The following EMX1 variants were observed in gnomAD, a reference collection of about 807,000 sequenced individuals.
EMX1 encodes the protein homeobox protein EMX1.
EMX1 carries 10 observed loss-of-function variants against 20.1 expected under a neutral mutation model. The observed-to-expected ratio is 0.50, with a 90% CI of 0.31 to 0.84. The LOEUF (loss-of-function observed/expected upper bound fraction) is 0.84. EMX1 is among the 40% of genes least tolerant of loss of function. EMX1 has a pLI of 0.05. For synonymous variants in EMX1, 250 were observed against 200.4 expected (o/e 1.25, Z -2.09); for missense variants, 424 against 431.9 (o/e 0.98, Z 0.16).
intron 1 of EMX1, among the ~76,000 whole-genome samples, chr2:72,919,141 C>G (rs1573894698): frequency 6.6e-6 from 1 of 150,692 alleles, no homozygotes; most frequent in East Asian, 1.9e-4. Flanking sequence ...GAGTTTGCAT[C>G]CAGCAATCGG....
chr2:72,923,361 G>A (rs1332281805), intron 1 of EMX1: 1 of 152,220 alleles, frequency 6.6e-6, no homozygotes, highest in Non-Finnish European at 1.5e-5. Flanking sequence ...ATATATATTA[G>A]AGAGAAAGAT....
intron 2 of EMX1, chr2:72,926,053 A>C (rs962765014): frequency 1.6e-5 from 16 of 984,864 alleles, no homozygotes; most frequent in Non-Finnish European, 1.9e-5. Context: ...GTGTCAGTTT[A>C]AGAATGGTGT....
At position 72,917,675 on chromosome 2, in the gene EMX1, T is replaced by C; in HGVS notation, c.-178T>C. 1 of 388,222 alleles carries C rather than the reference T, an allele frequency of 2.6e-6. No individual in the cohort carries two copies. Among genetic ancestry groups the C allele is most frequent in the Non-Finnish European group, 4.0e-6 (1 of 252,742 alleles). 24.0% of individuals were successfully genotyped at this position (388,222 alleles called of 1,614,324 possible). ...CGCAGCCTAGCACGGAGCCCGCGCCTGTGCGGGCGCCTGGAGCTGCCCGCT... is the reference window on the plus strand; with the variant it reads ...CGCAGCCTAGCACGGAGCCCGCGCCCGTGCGGGCGCCTGGAGCTGCCCGCT... On this transcript the variant is annotated 5_prime_UTR_variant, in exon 1 of 3. Transcript: ENST00000258106.
At position 72,931,857 on chromosome 2, in the gene EMX1, A is replaced by G. The variant is rs533032160; in HGVS notation, c.706-1930A>G. On this transcript the variant is annotated intron_variant, in intron 2 of 2. Transcript: ENST00000258106. ...ATCCCCATGCCAGTGCTCTAAAATCAGTGCTCTCAAACAAGGGCAGATGGC... is the reference window on the plus strand; with the variant it reads ...ATCCCCATGCCAGTGCTCTAAAATCGGTGCTCTCAAACAAGGGCAGATGGC... Among the ~76,000 whole-genome samples, 121 of 152,344 alleles carry G rather than the reference A, an allele frequency of 7.9e-4. 1 individual carries two copies. The highest frequency in any genetic ancestry group is 1.1e-3 in the Non-Finnish European group (72 of 68,018).
chr2:72,931,798 G>A (rs1282048132), intron 2 of EMX1, among the ~76,000 whole-genome samples: 1 of 152,256 alleles, frequency 6.6e-6, no homozygotes, highest in African/African-American at 2.4e-5. Flanking sequence ...CCCCTGGCTG[G>A]CTGCTCTGCA....
Position 72,934,184 on chromosome 2 carries a change from C to G in EMX1, c.*230C>G. On this transcript the variant is annotated 3_prime_UTR_variant, in exon 3 of 3. Coordinates refer to ENST00000258106, the MANE Select transcript of EMX1 (RefSeq NM_004097.3). ...TCCTCGGAGAGCCTGCCTGCCTGGG[C>G]GGGCCCGCCCGCCACCGCAGCCTCC... The G allele has an allele frequency of 1.1e-5, 6 of 528,916 alleles. No individual in the cohort carries two copies. The highest frequency in any genetic ancestry group is 1.6e-5 in the Non-Finnish European group (5 of 307,962). The allele number at this position is 528,916 out of a possible 1,614,324, so 32.8% of individuals were successfully genotyped here.
intron 2 of EMX1, chr2:72,933,438 T>G: frequency 3.8e-6 from 1 of 263,230 alleles, no homozygotes; most frequent in Non-Finnish European, 7.3e-6. Flanking sequence ...ACTCGTAGAG[T>G]CCCATGTCTG....
chr2:72,916,446 C>T (rs1015028289), upstream of EMX1: 179 of 564,922 alleles, frequency 3.2e-4, 1 homozygote, highest in Admixed American at 2.9e-4. Flanking sequence ...CCGCCGCCCG[C>T]GCCCTCCTAG....
At chr2:72,928,455 A>G (rs1671237729) in intron 2 of EMX1, among the ~76,000 whole-genome samples, 1 of 152,204 alleles carries the variant, frequency 6.6e-6, no homozygotes, top group African/African-American at 2.4e-5. Flanking sequence ...TTAGGCAGTC[A>G]TATGACATGG....
At chr2:72,933,712 T>G in intron 2 of EMX1, 75 bp from the exon 3 acceptor site, 1 of 1,566,410 alleles carries the variant, frequency 6.4e-7, no homozygotes, top group Admixed American at 1.8e-5. Context: ...CAGCTCAGCC[T>G]GAGTGTTGAG....
chr2:72,926,351 A>C, intron 2 of EMX1: 1 of 931,454 alleles, frequency 1.1e-6, no homozygotes, highest in Non-Finnish European at 1.3e-6. Context: ...TATATTTAAA[A>C]CAAAACCAGA....
At chr2:72,927,104 T>C (rs1318334924) in intron 2 of EMX1, among the ~76,000 whole-genome samples, 4 of 152,236 alleles carry the variant, frequency 2.6e-5, no homozygotes, top group African/African-American at 9.6e-5. Context: ...CTCATTAAAC[T>C]GCCTCCCCAA....
At position 72,934,740 on chromosome 2, in the gene EMX1, G is replaced by T. The variant is rs973705995; in HGVS notation, c.*786G>T. On this transcript the variant is annotated 3_prime_UTR_variant, in exon 3 of 3. Transcript: ENST00000258106. The stretch of plus-strand genomic sequence containing the variant: ...AGAGGAAAGGGGAGGATTGGGGTCT[G>T]GGGGAGGGAACACCATTCACAAAGG... 1 of 152,192 alleles carries T rather than the reference G, an allele frequency of 6.6e-6. No individual in the cohort carries two copies. The highest frequency in any genetic ancestry group is 6.5e-5 in the Admixed American group (1 of 15,278). 9.4% of individuals were successfully genotyped at this position (152,192 alleles called of 1,614,324 possible). A position where few individuals can be genotyped will look rare whatever the true frequency, so the allele number is the denominator to read the frequency against.
At chr2:72,925,526 C>T in intron 2 of EMX1, 1 of 1,288,408 alleles carries the variant, frequency 7.8e-7, no homozygotes, top group Non-Finnish European at 1.0e-6. Flanking sequence ...CGGCCGGCTC[C>T]CAGAGTTGCG....
At chr2:72,931,397 C>T (rs1038592904) in intron 2 of EMX1, among the ~76,000 whole-genome samples, 2 of 152,232 alleles carry the variant, frequency 1.3e-5, no homozygotes, top group African/African-American at 2.4e-5. Context: ...TGGTACTGCC[C>T]GCATCACCTG....
At chr2:72,928,385 G>A (rs113380917) in intron 2 of EMX1, among the ~76,000 whole-genome samples, 17 of 152,330 alleles carry the variant, frequency 1.1e-4, no homozygotes, top group South Asian at 2.1e-4. Flanking sequence ...GGGCACCAAC[G>A]GGCTTTATGT....
At chr2:72,927,035 C>T (rs1489293514) in intron 2 of EMX1, among the ~76,000 whole-genome samples, 1 of 152,154 alleles carries the variant, frequency 6.6e-6, no homozygotes, top group East Asian at 1.9e-4. Flanking sequence ...GTCTCCAGAG[C>T]TCTCTAATCT....
chr2:72,916,687 G>A (rs112471859), upstream of EMX1: 7,068 of 716,874 alleles, frequency 9.9e-3, 306 homozygotes, highest in African/African-American at 0.1. Flanking sequence ...TCTTGAGATG[G>A]GCTCGGGCTA....
At chr2:72,933,054 G>C (rs140281759) in intron 2 of EMX1, 2,011 of 152,422 alleles carry the variant, frequency 0.013, 21 homozygotes, top group Non-Finnish European at 0.02. Context: ...GGCACCTGAG[G>C]GACAAGGCCC....
Sources: gnomAD v4.1 joint callset for allele counts (sites outside exome capture counted in the v4.1 genomes callset) on GRCh38, gnomAD v4.1.1 for gene constraint, MANE v1.5 for transcripts, NCBI Gene and HGNC (gene_info 2026-07-23, HGNC 2026-07-21) for gene names.